Variants in GABRA2 observed in about 807,000 individuals in gnomAD.
GABRA2 encodes gamma-aminobutyric acid receptor subunit alpha-2.
GABRA2 carries 16 observed loss-of-function variants against 48.7 expected under a neutral mutation model. The ratio of observed to expected loss-of-function variants is 0.33; its 90% CI spans 0.22 to 0.50. GABRA2 has a LOEUF of 0.50. GABRA2 is among the 20% of genes least tolerant of loss of function. The probability of loss-of-function intolerance (pLI) is 0.98; values close to 1 mark genes in which losing one functional copy is unlikely to be tolerated. For synonymous variants in GABRA2, 185 were observed against 184.5 expected (o/e 1.00, Z -0.02); for missense variants, 275 against 535.6 (o/e 0.51, Z 4.80).
At chr4:46,285,879 C>T (rs954045234) in intron 8 of GABRA2, among the ~76,000 whole-genome samples, 6 of 151,888 alleles carry the variant, frequency 4.0e-5, no homozygotes, top group African/African-American at 1.5e-4. Context: ...TGAGAAGATT[C>T]TTCTTACTCC....
At chr4:46,324,936 C>G (rs1730085777) in intron 4 of GABRA2, among the ~76,000 whole-genome samples, 2 of 151,838 alleles carry the variant, frequency 1.3e-5, no homozygotes, top group Non-Finnish European at 2.9e-5. Flanking sequence ...CCAAGGTGTA[C>G]ACAGACCGCA....
intron 8 of GABRA2, chr4:46,303,027 A>G (rs1022948279): frequency 6.3e-6 from 1 of 159,150 alleles, no homozygotes; most frequent in Non-Finnish European, 1.4e-5. Flanking sequence ...TGGCCTATAA[A>G]TCTGTCTAAA....
intron 3 of GABRA2, among the ~76,000 whole-genome samples, chr4:46,339,545 T>C (rs1217230679): frequency 1.3e-5 from 2 of 151,908 alleles, no homozygotes; most frequent in East Asian, 3.9e-4. Context: ...GCTATCATAA[T>C]GAAGCTTATT....
At chr4:46,274,118 T>C (rs1015502991) in intron 8 of GABRA2, among the ~76,000 whole-genome samples, 3 of 152,120 alleles carry the variant, frequency 2.0e-5, no homozygotes, top group Admixed American at 1.3e-4. Context: ...ACAGAAGGAT[T>C]GCTGATGAAC....
chr4:46,279,804 C>G (rs1299593772), intron 8 of GABRA2, among the ~76,000 whole-genome samples: 1 of 151,962 alleles, frequency 6.6e-6, no homozygotes, highest in Non-Finnish European at 1.5e-5. Flanking sequence ...GATGAAACCA[C>G]TTATTAATTC....
chr4:46,299,061 CAT>C (rs1577961361), intron 8 of GABRA2, among the ~76,000 whole-genome samples: 1 of 151,072 alleles, frequency 6.6e-6, no homozygotes, highest in East Asian at 1.9e-4. Context: ...AATTTTGACT[CAT>C]AAAAATATCA....
intron 3 of GABRA2, among the ~76,000 whole-genome samples, chr4:46,372,982 T>A (rs957607999): frequency 3.3e-5 from 5 of 152,106 alleles, no homozygotes; most frequent in African/African-American, 4.8e-5. Context: ...TGTTGATAGA[T>A]TTTGCTTAAC....
chr4:46,254,267 T>C (rs1255998708), intron 9 of GABRA2, among the ~76,000 whole-genome samples: 2 of 151,512 alleles, frequency 1.3e-5, no homozygotes, highest in Non-Finnish European at 3.0e-5. Flanking sequence ...GTTGAATCCT[T>C]GGGCCACATG....
intron 9 of GABRA2, among the ~76,000 whole-genome samples, chr4:46,259,959 T>C (rs1321739527): frequency 6.6e-6 from 1 of 151,866 alleles, no homozygotes; most frequent in Non-Finnish European, 1.5e-5. Flanking sequence ...GAAGGTAGGT[T>C]TATGAAACAT....
intron 8 of GABRA2, among the ~76,000 whole-genome samples, chr4:46,298,055 T>A (rs888679469): frequency 3.3e-5 from 5 of 152,168 alleles, no homozygotes; most frequent in African/African-American, 9.6e-5. Context: ...GTTTTCATTC[T>A]ACAGTTATTT....
At chr4:46,337,666 A>AAAAG (rs953324603) in intron 3 of GABRA2, among the ~76,000 whole-genome samples, 5 of 151,438 alleles carry the variant, frequency 3.3e-5, no homozygotes, top group Non-Finnish European at 7.4e-5. Context: ...AAAAAAAAAA[A>AAAAG]AGAGACTGAG....
At chr4:46,333,086 G>A (rs192615838) in intron 3 of GABRA2, among the ~76,000 whole-genome samples, 251 of 152,112 alleles carry the variant, frequency 1.7e-3, no homozygotes, top group African/African-American at 5.7e-3. Context: ...TCAGTATCTC[G>A]TGATAGTAGA....
chr4:46,384,364 C>G (rs1442425428), intron 3 of GABRA2, among the ~76,000 whole-genome samples: 3 of 152,184 alleles, frequency 2.0e-5, no homozygotes, highest in Non-Finnish European at 4.4e-5. Flanking sequence ...AAAGCCACTT[C>G]ATGTATTGCA....
At chr4:46,285,135 C>G (rs1340554090) in intron 8 of GABRA2, among the ~76,000 whole-genome samples, 1 of 151,544 alleles carries the variant, frequency 6.6e-6, no homozygotes, top group African/African-American at 2.4e-5. Flanking sequence ...TGACTTTCCC[C>G]CTCCAATATA....
At chr4:46,331,656 CT>C (rs1208664114) in intron 4 of GABRA2, among the ~76,000 whole-genome samples, 2 of 152,104 alleles carry the variant, frequency 1.3e-5, no homozygotes, top group Admixed American at 1.3e-4. Context: ...AATAATTCAT[CT>C]TTGGTGATTC....
chr4:46,273,380 C>CTGTG (rs35001945), intron 8 of GABRA2, among the ~76,000 whole-genome samples: 52,710 of 144,590 alleles, frequency 0.36, 10,264 homozygotes, highest in South Asian at 0.52. Flanking sequence ...CTCTCTCCCT[C>CTGTG]TGTGTGTGTG....
At position 46,344,759 on chromosome 4, in the gene GABRA2, G is replaced by A. The variant is rs573141854; in HGVS notation, c.188-12077C>T. On this transcript the variant is annotated intron_variant, in intron 3 of 9. Transcript: ENST00000381620. ...ATTATATCAGGAATGAGTAAGGAGC[G>A]TATTTAAACAAATGGAAATAGATTT... Among the ~76,000 whole-genome samples, 66 of 151,898 alleles carry A rather than the reference G, an allele frequency of 4.3e-4. No individual in the cohort carries two copies. The South Asian group carries it at 7.3e-3, about 17-fold the overall frequency.
At chr4:46,316,276 C>T (rs909556570) in intron 4 of GABRA2, among the ~76,000 whole-genome samples, 2 of 151,938 alleles carry the variant, frequency 1.3e-5, no homozygotes, top group Non-Finnish European at 2.9e-5. Flanking sequence ...GAACAGAGGT[C>T]AGCAAATTTT....
At chr4:46,376,228 T>G (rs1715679220) in intron 3 of GABRA2, among the ~76,000 whole-genome samples, 1 of 152,246 alleles carries the variant, frequency 6.6e-6, no homozygotes, top group African/African-American at 2.4e-5. Context: ...AAGTAATGAA[T>G]AGTTTACTGG....
Sources: gnomAD v4.1 joint callset for allele counts (sites outside exome capture counted in the v4.1 genomes callset) on GRCh38, gnomAD v4.1.1 for gene constraint, MANE v1.5 for transcripts, NCBI Gene and HGNC (gene_info 2026-07-23, HGNC 2026-07-21) for gene names.